CFH: variants seen among roughly 807,000 people sequenced by gnomAD.
CFH encodes complement factor H.
In CFH, 53 loss-of-function variants were observed where a neutral mutation model predicts 147.3. The ratio of observed to expected loss-of-function variants is 0.36; its 90% CI spans 0.29 to 0.45. CFH has a LOEUF of 0.45. CFH is among the 20% of genes least tolerant of loss of function. The pLI, the probability that CFH is intolerant of heterozygous loss-of-function variation, is 1.00. For missense variants in CFH, 1,380 were observed against 1,498.0 expected (o/e 0.92, Z 1.30); for synonymous variants, 536 against 489.4 (o/e 1.10, Z -1.26).
At chr1:196,708,189 T>C (rs1241772127) in intron 9 of CFH, among the ~76,000 whole-genome samples, 1 of 152,180 alleles carries the variant, frequency 6.6e-6, no homozygotes, top group Non-Finnish European at 1.5e-5. Context: ...TTTCAAGGTA[T>C]TGCCACTGGA....
intron 9 of CFH, among the ~76,000 whole-genome samples, chr1:196,703,370 C>A (rs920702877): frequency 6.6e-6 from 1 of 152,164 alleles, no homozygotes; most frequent in Non-Finnish European, 1.5e-5. Context: ...AAACAGTCAG[C>A]CTTCTGCCCA....
At chr1:196,700,499 C>A (rs537392224) in intron 9 of CFH, among the ~76,000 whole-genome samples, 2 of 151,932 alleles carry the variant, frequency 1.3e-5, no homozygotes, top group Admixed American at 6.6e-5. Context: ...ACTAGAAATA[C>A]AAAAGTTGCC....
chr1:196,683,526 A>C (rs528911168), intron 6 of CFH, among the ~76,000 whole-genome samples: 2 of 151,800 alleles, frequency 1.3e-5, no homozygotes, highest in Non-Finnish European at 2.9e-5. Context: ...AATGTAGTAC[A>C]TTAGCTAAAC....
chr1:196,710,827 A>T (rs547663610), intron 9 of CFH, among the ~76,000 whole-genome samples: 1 of 152,164 alleles, frequency 6.6e-6, no homozygotes, highest in Non-Finnish European at 1.5e-5. Flanking sequence ...TAGATTTATA[A>T]CTAAATATTT....
At chr1:196,743,162 T>A (rs1215216390) in intron 19 of CFH, among the ~76,000 whole-genome samples, 5 of 152,148 alleles carry the variant, frequency 3.3e-5, no homozygotes, top group Non-Finnish European at 7.4e-5. Context: ...AAGAGAGATA[T>A]CCAGGAAAAC....
In CFH at chr1:196,665,827, G is replaced by C. The variant is rs532231648; in HGVS notation, c.59-7151G>C. ...TCGACATGTTTGTCGGGCTAGTCTC[G>C]AACTCCTGACCTCAGGTGATCCACC... On this transcript the variant is annotated intron_variant, in intron 1 of 21. Coordinates refer to ENST00000367429, the MANE Select transcript of CFH (RefSeq NM_000186.4). 2.6e-4 allele frequency among the ~76,000 whole-genome samples: 39 copies of C among 152,090 alleles called. 1 individual carries two copies. The highest frequency in any genetic ancestry group is 5.3e-4 in the Non-Finnish European group (36 of 68,026).
intron 4 of CFH, 129 bp from the exon 5 acceptor site, chr1:196,677,347 C>A: frequency 1.2e-6 from 1 of 829,592 alleles, no homozygotes; most frequent in East Asian, 2.7e-5. Context: ...ACAGGTATAT[C>A]AAATGCTTCT....
intron 1 of CFH, among the ~76,000 whole-genome samples, chr1:196,663,850 A>G (rs1359710357): frequency 6.6e-6 from 1 of 152,024 alleles, no homozygotes; most frequent in Non-Finnish European, 1.5e-5. Context: ...CCAACTTTGA[A>G]TTTTGTTGCT....
chr1:196,743,338 A>G (rs1344744490), intron 19 of CFH, 114 bp from the exon 20 acceptor site: 8 of 1,412,996 alleles, frequency 5.7e-6, no homozygotes, highest in Admixed American at 1.9e-5. Flanking sequence ...AAAATATTTG[A>G]TGAGATTGTC....
intron 11 of CFH, among the ~76,000 whole-genome samples, chr1:196,723,610 C>G (rs1305674954): frequency 6.8e-6 from 1 of 147,704 alleles, no homozygotes; most frequent in Non-Finnish European, 1.5e-5. Flanking sequence ...ATGGGAGACT[C>G]TCTGTTGCCC....
chr1:196,656,319 AAAAAGAAAGAAAG>A, intron 1 of CFH, among the ~76,000 whole-genome samples: 1 of 151,778 alleles, frequency 6.6e-6, no homozygotes, highest in South Asian at 2.1e-4. Flanking sequence ...GAAAAAAAAA[AAAAAGAAAGAAAG>A]AAAGAAAGAA....
chr1:196,692,647 G>T (rs1465149093), intron 9 of CFH, among the ~76,000 whole-genome samples: 4 of 74,542 alleles, frequency 5.4e-5, no homozygotes, highest in Non-Finnish European at 8.2e-5. Context: ...TCCTTTCTTT[G>T]TCTACGTTTC....
chr1:196,740,616 TA>T lies in CFH; in HGVS notation c.2783-2del. The T allele has an allele frequency of 6.2e-7, 1 of 1,612,872 alleles. No individual in the cohort carries two copies. The highest frequency in any genetic ancestry group is 1.7e-5 in the Admixed American group (1 of 59,762). ...AAACCTGAATTCATTCTTTTTTTTT[TA>T]GGCCTTCCTTGTAAATCTCCACCTG... On this transcript the variant is annotated splice_acceptor_variant, in intron 17 of 21. Coordinates refer to ENST00000367429, the MANE Select transcript of CFH (RefSeq NM_000186.4). LOFTEE classifies it high-confidence loss of function.
At chr1:196,735,048 C>A (rs1249160312) in intron 15 of CFH, among the ~76,000 whole-genome samples, 1 of 152,066 alleles carries the variant, frequency 6.6e-6, no homozygotes, top group African/African-American at 2.4e-5. Flanking sequence ...CTTTAAAGCT[C>A]TATTCTTTTA....
intron 9 of CFH, among the ~76,000 whole-genome samples, chr1:196,695,560 G>C (rs1304296436): frequency 6.6e-6 from 1 of 152,126 alleles, no homozygotes; most frequent in Non-Finnish European, 1.5e-5. Context: ...ATGATAGCTA[G>C]ATGGGAATAG....
Position 196,661,865 on chromosome 1 carries a change from C to T in CFH, c.58+9690C>T, listed in dbSNP as rs1016763681. Among the ~76,000 whole-genome samples, 33 of 152,092 alleles carry T rather than the reference C, an allele frequency of 2.2e-4. 1 individual carries two copies. The highest frequency in any genetic ancestry group is 7.3e-5 in the African/African-American group (3 of 41,372). ...GACATACCAATCTCCTATCTACCTACTTAAAAAGAGGTTTTGTTTTGTTTG... is the reference window on the plus strand; with the variant it reads ...GACATACCAATCTCCTATCTACCTATTTAAAAAGAGGTTTTGTTTTGTTTG... On this transcript the variant is annotated intron_variant, in intron 1 of 21. Coordinates refer to ENST00000367429, the MANE Select transcript of CFH (RefSeq NM_000186.4).
intron 12 of CFH, among the ~76,000 whole-genome samples, chr1:196,726,106 G>A (rs1669130375): frequency 6.6e-6 from 1 of 152,118 alleles, no homozygotes; most frequent in Non-Finnish European, 1.5e-5. Context: ...GTATTGATTA[G>A]TCAAACTTTA....
In CFH at chr1:196,737,644, T is replaced by G; in HGVS notation, c.2766T>G (p.Ser922=). The stretch of plus-strand genomic sequence containing the variant: ...CATGCTACATGGGAAAATGGAGTTC[T>G]CCACCTCAGTGTGAAGGTTAGGCCA... ...ETTCYMGKWS[S]PPQCEGLPCK... The change falls in exon 17 of 22, where the codon TCT becomes TCG. Residue 922 remains serine (S), a synonymous_variant. Coordinates refer to ENST00000367429, the MANE Select transcript of CFH (RefSeq NM_000186.4). The G allele has an allele frequency of 6.2e-7, 1 of 1,613,350 alleles. No individual in the cohort carries two copies. The highest frequency in any genetic ancestry group is 8.5e-7 in the Non-Finnish European group (1 of 1,179,510).
intron 9 of CFH, among the ~76,000 whole-genome samples, chr1:196,694,262 T>G (rs1668171378): frequency 6.6e-6 from 1 of 152,130 alleles, no homozygotes; most frequent in Non-Finnish European, 1.5e-5. Flanking sequence ...GGTGTTTTGT[T>G]TTCTGTTCCT....
Sources: gnomAD v4.1 joint callset for allele counts (sites outside exome capture counted in the v4.1 genomes callset) on GRCh38, gnomAD v4.1.1 for gene constraint, MANE v1.5 for transcripts, NCBI Gene and HGNC (gene_info 2026-07-23, HGNC 2026-07-21) for gene names.